FSAF1: variants seen among roughly 807,000 people sequenced by gnomAD.
The protein encoded by FSAF1 is 40S small subunit processome assembly factor 1.
the FSAF1 span, among the ~76,000 whole-genome samples, chr1:231,234,859 T>C: frequency 6.6e-6 from 1 of 152,140 alleles, no homozygotes; most frequent in Non-Finnish European, 1.5e-5. The surrounding 1 kb of genome is among the most constrained non-coding windows in gnomAD (Gnocchi z 4.0). Context: ...AAGGCTGTTT[T>C]CTCCCTCCTT....
At chr1:231,238,357 C>A in the FSAF1 span, 1 of 152,586 alleles carries the variant, frequency 6.6e-6, no homozygotes. Context: ...ATTTGGTTCA[C>A]TGCTATATCC....
the FSAF1 span, among the ~76,000 whole-genome samples, chr1:231,233,275 C>G: frequency 6.6e-6 from 1 of 152,236 alleles, no homozygotes; most frequent in African/African-American, 2.4e-5. Flanking sequence ...CCTATGCTCT[C>G]TCTAGTATAA....
chr1:231,239,063 C>T, the FSAF1 span: 1 of 1,614,174 alleles, frequency 6.2e-7, no homozygotes, highest in South Asian at 1.1e-5. Context: ...TTCCTCTGGC[C>T]TCTTATGAGA....
At chr1:231,234,218 A>G in the FSAF1 span, among the ~76,000 whole-genome samples, 1 of 152,174 alleles carries the variant, frequency 6.6e-6, no homozygotes, top group African/African-American at 2.4e-5. The surrounding 1 kb of genome is among the most constrained non-coding windows in gnomAD (Gnocchi z 4.0). Context: ...GATCTACAGA[A>G]CACTATTCTA....
the FSAF1 span, chr1:231,241,116 G>A: frequency 1.2e-6 from 2 of 1,613,454 alleles, no homozygotes; most frequent in East Asian, 2.2e-5. Context: ...CGACATTGTG[G>A]GGTCAGCCGA....
the FSAF1 span, chr1:231,241,047 A>G: frequency 5.7e-5 from 92 of 1,613,988 alleles, no homozygotes; most frequent in Admixed American, 3.2e-4. Context: ...GTTCTGGAGC[A>G]GAGCGTCAAG....
At chr1:231,237,789 GTTGAT>G in the FSAF1 span, 1 of 152,204 alleles carries the variant, frequency 6.6e-6, no homozygotes, top group Non-Finnish European at 1.5e-5. Context: ...TCACTTCTTT[GTTGAT>G]AGACAAAGGT....
At chr1:231,236,369 AT>A in the FSAF1 span, among the ~76,000 whole-genome samples, 1 of 152,196 alleles carries the variant, frequency 6.6e-6, no homozygotes, top group African/African-American at 2.4e-5. Flanking sequence ...CAAAGGACAC[AT>A]TTAAAAAAAA....
chr1:231,239,841 AC>A, the FSAF1 span, among the ~76,000 whole-genome samples: 12 of 152,324 alleles, frequency 7.9e-5, no homozygotes, highest in East Asian at 5.8e-4. Flanking sequence ...AGCCAACTAA[AC>A]TTTGGCATTA....
At chr1:231,229,719 C>A in the FSAF1 span, among the ~76,000 whole-genome samples, 6 of 152,160 alleles carry the variant, frequency 3.9e-5, no homozygotes, top group Non-Finnish European at 7.3e-5. Context: ...AGACATGATG[C>A]TAAGTGAAAT....
chr1:231,226,743 C>T, the FSAF1 span: 6 of 1,599,642 alleles, frequency 3.8e-6, no homozygotes, highest in African/African-American at 8.0e-5. Flanking sequence ...ACCTACCAGT[C>T]TCTTTTCTTC....
the FSAF1 span, chr1:231,229,261 T>A: frequency 8.3e-7 from 1 of 1,203,540 alleles, no homozygotes; most frequent in Non-Finnish European, 1.2e-6. Flanking sequence ...CATTATAGTA[T>A]CTATCACCGA....
chr1:231,233,106 G>A, the FSAF1 span, among the ~76,000 whole-genome samples: 2 of 152,176 alleles, frequency 1.3e-5, no homozygotes, highest in East Asian at 1.9e-4. Flanking sequence ...ACCATGCAGT[G>A]GGCTACATCC....
chr1:231,229,893 G>C, the FSAF1 span, among the ~76,000 whole-genome samples: 1 of 152,214 alleles, frequency 6.6e-6, no homozygotes, highest in Non-Finnish European at 1.5e-5. Flanking sequence ...GGTTCGGCAA[G>C]CTGAGAAGAG....
chr1:231,224,770 G>T, the FSAF1 span: 1 of 226,030 alleles, frequency 4.4e-6, no homozygotes, highest in South Asian at 1.2e-4. Context: ...TACAATACTT[G>T]CCAGTACCTG....
chr1:231,226,799 G>A, the FSAF1 span: 2 of 1,609,424 alleles, frequency 1.2e-6, no homozygotes, highest in Non-Finnish European at 1.7e-6. Context: ...GTAAAACCTT[G>A]TAATTCACAT....
chr1:231,227,200 T>C, the FSAF1 span: 7 of 914,858 alleles, frequency 7.7e-6, no homozygotes, highest in South Asian at 9.0e-5. Flanking sequence ...AACTCCACTG[T>C]CATGTGGTCA....
chr1:231,226,935 A>G, the FSAF1 span: 1 of 1,611,170 alleles, frequency 6.2e-7, no homozygotes, highest in Non-Finnish European at 8.5e-7. Flanking sequence ...CTTTTTTTGC[A>G]TGTTGTCTAG....
chr1:231,239,012 GC>G, the FSAF1 span: 1 of 1,614,156 alleles, frequency 6.2e-7, no homozygotes, highest in Non-Finnish European at 8.5e-7. Context: ...GGAGCACAAT[GC>G]CGCTCTTCTC....
Sources: allele counts gnomAD v4.1 joint callset (sites outside exome capture counted in the v4.1 genomes callset), GRCh38; gene constraint gnomAD v4.1.1; non-coding constraint Gnocchi (gnomAD v3.1); transcripts MANE v1.5; gene names NCBI Gene and HGNC (gene_info 2026-07-23, HGNC 2026-07-21).